The following VIPR2 variants were observed in gnomAD, a reference collection of about 807,000 sequenced individuals.
The protein encoded by VIPR2 is vasoactive intestinal peptide receptor 2.
A neutral mutation model predicts 58.0 loss-of-function variants in VIPR2; 48 were observed. The ratio of observed to expected loss-of-function variants is 0.83; its 90% CI spans 0.66 to 1.05. The LOEUF is 1.05. Ranked by LOEUF, VIPR2 falls within the 50% of genes least tolerant of loss-of-function variation. VIPR2 has a pLI of 0.00. For synonymous variants in VIPR2, 243 were observed against 235.2 expected (o/e 1.03, Z -0.30); for missense variants, 534 against 558.0 (o/e 0.96, Z 0.43).
intron 10 of VIPR2, among the ~76,000 whole-genome samples, chr7:159,032,489 C>T (rs923896285): frequency 2.0e-5 from 3 of 152,192 alleles, no homozygotes; most frequent in Non-Finnish European, 2.9e-5. Context: ...TGATGAGAAC[C>T]GATCCTGCTC....
chr7:159,117,556 T>C (rs1796285996), intron 2 of VIPR2: 1 of 635,864 alleles, frequency 1.6e-6, no homozygotes, highest in African/African-American at 1.8e-5. Flanking sequence ...ACCTGCACCA[T>C]GCTTGCCACG....
chr7:159,030,195 A>C lies in VIPR2; in HGVS notation c.*421T>G, dbSNP rs1853449773. The C allele has an allele frequency of 6.0e-6, 1 of 165,890 alleles. No homozygotes were observed. Among genetic ancestry groups the C allele is most frequent in the Non-Finnish European group, 1.3e-5 (1 of 77,918 alleles). The allele number at this position is 165,890 out of a possible 1,614,324, so 10.3% of individuals were successfully genotyped here. A position where few individuals can be genotyped will look rare whatever the true frequency, so the allele number is the denominator to read the frequency against. On this transcript the variant is annotated 3_prime_UTR_variant, in exon 13 of 13. Coordinates refer to ENST00000262178, the MANE Select transcript of VIPR2 (RefSeq NM_003382.5). ...CCTGTCTCTACTAAAAATACAAAAA[A>C]TTAGCCAGGCGTGTTGGCGGGCGCC...
Position 159,105,677 on chromosome 7 carries a change from A to AGCCCTG in VIPR2, c.260-1824_260-1823insCAGGGC, listed in dbSNP as rs138937626. On this transcript the variant is annotated intron_variant, in intron 3 of 12. Coordinates refer to ENST00000262178, the MANE Select transcript of VIPR2 (RefSeq NM_003382.5). Reference sequence around the variant, plus strand: ...TACAAGGCCCACACCTCACACAGGGAGCCCCAGCAGGGTCTGGGGGCCTCT... The same window carrying AGCCCTG: ...TACAAGGCCCACACCTCACACAGGGAGCCCTGGCCCCAGCAGGGTCTGGGGGCCTCT... 8.1e-3 allele frequency among the ~76,000 whole-genome samples: 1,238 copies of AGCCCTG among 152,100 alleles called. 16 individuals are homozygous for AGCCCTG. The highest frequency in any genetic ancestry group is 0.028 in the African/African-American group (1,149 of 41,498).
At chr7:159,037,062 C>A (rs905562951) in intron 6 of VIPR2, among the ~76,000 whole-genome samples, 160 bp from the exon 7 acceptor site, 2 of 152,236 alleles carry the variant, frequency 1.3e-5, no homozygotes, top group African/African-American at 2.4e-5. Flanking sequence ...GAGGCCAGGG[C>A]GCTGGCCAGG....
chr7:159,134,697 A>G (rs1219397213), intron 2 of VIPR2, among the ~76,000 whole-genome samples: 27 of 151,546 alleles, frequency 1.8e-4, no homozygotes, highest in Admixed American at 1.6e-3. Flanking sequence ...TTGCTCTGTC[A>G]CCCAGGCTGG....
Position 159,060,039 on chromosome 7 carries a change from C to G in VIPR2, c.358-1461G>C, listed in dbSNP as rs3793219. ...CAACTCATCCAACCCATCCTCACTTCACTTACCCACCACCCTCACCTCACG... is the reference window on the plus strand; with the variant it reads ...CAACTCATCCAACCCATCCTCACTTGACTTACCCACCACCCTCACCTCACG... On this transcript the variant is annotated intron_variant, in intron 4 of 12. Coordinates refer to ENST00000262178, the MANE Select transcript of VIPR2 (RefSeq NM_003382.5). Among the ~76,000 whole-genome samples, 43 of 149,784 alleles carry G rather than the reference C, an allele frequency of 2.9e-4. No homozygotes were observed. The East Asian group carries it at 8.1e-3, about 28-fold the overall frequency.
In VIPR2 at chr7:159,028,490, C is replaced by T. The variant is rs774425734; in HGVS notation, c.*2126G>A. ...GCCTGGTAACCACCTGACACGTCCA[C>T]TCACGCCCACTTCCTCAGCGTCCCC... is the stretch of plus-strand genomic sequence containing the variant. On this transcript the variant is annotated 3_prime_UTR_variant, in exon 13 of 13. Transcript: ENST00000262178. The T allele has an allele frequency of 1.3e-5, 2 of 152,496 alleles. No homozygotes were observed. Among genetic ancestry groups the T allele is most frequent in the Non-Finnish European group, 2.9e-5 (2 of 68,202 alleles). The allele number at this position is 152,496 out of a possible 1,614,324, so 9.4% of individuals were successfully genotyped here.
chr7:159,033,997 A>G (rs1853747616), intron 10 of VIPR2, among the ~76,000 whole-genome samples: 1 of 152,204 alleles, frequency 6.6e-6, no homozygotes, highest in African/African-American at 2.4e-5. Context: ...GTTTTAAACC[A>G]CCAAATTTTG....
chr7:159,030,174 T>C lies in VIPR2; in HGVS notation c.*442A>G, dbSNP rs569273913. The C allele has an allele frequency of 1.5e-3, 242 of 157,624 alleles. No individual in the cohort carries two copies. Among genetic ancestry groups the C allele is most frequent in the African/African-American group, 5.5e-3 (230 of 41,506 alleles). The allele number at this position is 157,624 out of a possible 1,614,324, so 9.8% of individuals were successfully genotyped here. ...TCCTGGCTAACATGGTGAAACCCTG[T>C]CTCTACTAAAAATACAAAAAATTAG... On this transcript the variant is annotated 3_prime_UTR_variant, in exon 13 of 13. Coordinates refer to ENST00000262178, the MANE Select transcript of VIPR2 (RefSeq NM_003382.5).
At chr7:159,032,629 GC>G (rs1162872495) in intron 10 of VIPR2, among the ~76,000 whole-genome samples, 2 of 152,194 alleles carry the variant, frequency 1.3e-5, no homozygotes, top group African/African-American at 4.8e-5. Context: ...CTGCGGCTGA[GC>G]TCTTGGCCCC....
intron 4 of VIPR2, among the ~76,000 whole-genome samples, chr7:159,061,323 G>T (rs1340642433): frequency 7.3e-6 from 1 of 137,750 alleles, no homozygotes; most frequent in Non-Finnish European, 1.5e-5. Flanking sequence ...CTGCCCATGT[G>T]CCCCCTGAGT....
chr7:159,135,045 T>C (rs1176968924), intron 2 of VIPR2, among the ~76,000 whole-genome samples: 1 of 140,616 alleles, frequency 7.1e-6, no homozygotes, highest in Non-Finnish European at 1.5e-5. Context: ...TTTTAAGTAA[T>C]TGGCCTAGAA....
At position 159,031,949 on chromosome 7, in the gene VIPR2, C is replaced by T. The variant is rs1260066064; in HGVS notation, c.1090G>A (p.Gly364Arg). Residue 364 changes from glycine (G) to arginine (R), a missense_variant, in exon 11 of 13, where the codon GGG (glycine) becomes AGG (arginine). By Grantham distance (125) the Gly-to-Arg change is moderately radical. This residue lies in a region of VIPR2 where 306 missense variants were observed against 285.8 expected (regional missense o/e 1.07). Transcript: ENST00000262178. The surrounding 1 kb of genome is among the most constrained non-coding windows in gnomAD (Gnocchi z 4.0). ...KYQILFELCL[G>R]SFQGLVVAVL... ...CTCCGCACACCTACCTGGAACGACCCGAGGCACAGCTCAAACAGTATCTGG... is the reference window on the plus strand; with the variant it reads ...CTCCGCACACCTACCTGGAACGACCTGAGGCACAGCTCAAACAGTATCTGG... 1.9e-6 allele frequency: 3 copies of T among 1,614,116 alleles called. No individual in the cohort carries two copies. The highest frequency in any genetic ancestry group is 2.5e-6 in the Non-Finnish European group (3 of 1,180,030).
At chr7:159,101,041 G>A (rs1035228281) in intron 4 of VIPR2, among the ~76,000 whole-genome samples, 1 of 141,676 alleles carries the variant, frequency 7.1e-6, no homozygotes, top group Admixed American at 7.1e-5. Context: ...CTGGTCTCAC[G>A]AGATCCGACA....
intron 5 of VIPR2, among the ~76,000 whole-genome samples, chr7:159,044,875 C>G (rs1026106337): frequency 6.6e-6 from 1 of 152,054 alleles, no homozygotes; most frequent in African/African-American, 2.4e-5. Context: ...AAGTGATTCT[C>G]CTACCTCAGC....
intron 5 of VIPR2, among the ~76,000 whole-genome samples, chr7:159,052,448 G>A (rs1855066163): frequency 6.6e-6 from 1 of 152,146 alleles, no homozygotes; most frequent in Admixed American, 6.5e-5. Flanking sequence ...TCTCTGCCCT[G>A]TTGGCTCTTC....
chr7:159,141,205 T>C (rs1201613517), intron 2 of VIPR2, among the ~76,000 whole-genome samples: 1 of 152,240 alleles, frequency 6.6e-6, no homozygotes, highest in African/African-American at 2.4e-5. Flanking sequence ...CGCATCAGCA[T>C]TTCCCAGGAC....
In VIPR2 at chr7:159,098,253, A is replaced by G. The variant is rs1450528207; in HGVS notation, c.357+5504T>C. On this transcript the variant is annotated intron_variant, in intron 4 of 12. Coordinates refer to ENST00000262178, the MANE Select transcript of VIPR2 (RefSeq NM_003382.5). The surrounding 1 kb of genome is among the most constrained non-coding windows in gnomAD (Gnocchi z 5.2). ...CAGCACACGGCTCGGGGAGCCTCCC[A>G]CACTTGGTGATCCCGAGCCCTCAGT... Among the ~76,000 whole-genome samples, 3 of 152,102 alleles carry G rather than the reference A, an allele frequency of 2.0e-5. No homozygotes were observed. In the South Asian group the frequency reaches 6.2e-4, roughly 32 times the overall value.
intron 2 of VIPR2, among the ~76,000 whole-genome samples, chr7:159,113,460 A>G (rs142714257): frequency 8.0e-4 from 122 of 151,870 alleles, no homozygotes; most frequent in African/African-American, 2.7e-3. Flanking sequence ...TAGTCTGCCA[A>G]TGCTTCCAGC....
Sources: gnomAD v4.1 joint callset for allele counts (sites outside exome capture counted in the v4.1 genomes callset) on GRCh38, gnomAD v4.1.1 for gene constraint, gnomAD v4.1.1 regional missense constraint, Gnocchi (gnomAD v3.1) non-coding constraint, MANE v1.5 for transcripts, NCBI Gene and HGNC (gene_info 2026-07-23, HGNC 2026-07-21) for gene names.